The following ANKS1B variants were observed in gnomAD, a reference collection of about 807,000 sequenced individuals.
ANKS1B encodes ankyrin repeat and sterile alpha motif domain containing 1B, also known as ankyrin repeat and sterile alpha motif domain-containing protein 1B.
Under a neutral mutation model 148.3 loss-of-function variants are expected in ANKS1B, and 36 were observed. That is an observed-to-expected ratio of 0.24 (90% confidence interval 0.19 to 0.32). The LOEUF (loss-of-function observed/expected upper bound fraction) is 0.32, where lower values mean the gene tolerates loss of function less well. ANKS1B is among the 10% of genes least tolerant of loss of function. The pLI, the probability that ANKS1B is intolerant of heterozygous loss-of-function variation, is 1.00. For missense variants in ANKS1B, 1,157 were observed against 1,542.6 expected, an observed-to-expected ratio of 0.75 and a Z score of 4.19; for synonymous variants, 542 against 560.8, an observed-to-expected ratio of 0.97 and a Z score of 0.47.
intron 17 of ANKS1B, among the ~76,000 whole-genome samples, chr12:98,877,998 C>T (rs932420189): frequency 2.0e-5 from 3 of 152,010 alleles, no homozygotes; most frequent in African/African-American, 7.2e-5. Context: ...TGAAATCTGT[C>T]GCCCACTCTT....
chr12:99,587,969 G>T (rs965644837), intron 9 of ANKS1B, among the ~76,000 whole-genome samples: 1 of 152,082 alleles, frequency 6.6e-6, no homozygotes. Context: ...AACAGGGGTG[G>T]TTAGAATTGT....
chr12:99,164,553 T>C (rs923863500), intron 14 of ANKS1B, among the ~76,000 whole-genome samples: 1 of 152,112 alleles, frequency 6.6e-6, no homozygotes, highest in East Asian at 1.9e-4. Flanking sequence ...CCTGCTCTAA[T>C]GATCAGATAT....
chr12:99,514,036 T>C (rs2096792044), intron 9 of ANKS1B, among the ~76,000 whole-genome samples: 2 of 152,048 alleles, frequency 1.3e-5, no homozygotes, highest in South Asian at 4.1e-4. Context: ...ATTAAATACA[T>C]TAATGATCTA....
intron 10 of ANKS1B, among the ~76,000 whole-genome samples, chr12:99,503,510 A>T (rs543664965): frequency 6.6e-6 from 1 of 152,232 alleles, no homozygotes; most frequent in East Asian, 1.9e-4. Context: ...CTCTACCAGA[A>T]AATTCCTCTA....
rs368032022 is a variant in ANKS1B at position 98,916,048 on chromosome 12, G to A, written c.2779-83912C>T. On this transcript the variant is annotated intron_variant, in intron 17 of 26. Transcript: ENST00000683438. ...CGCTCCCACCACCATCACATAACCT[G>A]GATATGTTGTGGCCAGACAATTATT... is the stretch of plus-strand genomic sequence containing the variant. 1.3e-4 allele frequency among the ~76,000 whole-genome samples: 20 copies of A among 152,202 alleles called. No individual in the cohort carries two copies. In the East Asian group the frequency reaches 2.3e-3, roughly 18 times the overall value.
intron 8 of ANKS1B, among the ~76,000 whole-genome samples, chr12:99,689,251 T>G (rs1270532750): frequency 6.6e-6 from 1 of 152,244 alleles, no homozygotes; most frequent in African/African-American, 2.4e-5. Context: ...ATAATTAGAC[T>G]GGATTGTTAA....
At chr12:99,628,088 G>C in intron 9 of ANKS1B, among the ~76,000 whole-genome samples, 1 of 152,058 alleles carries the variant, frequency 6.6e-6, no homozygotes, top group Admixed American at 6.6e-5. Flanking sequence ...TACACACCTA[G>C]GTTATGGTAT....
chr12:99,448,747 GGAGA>G (rs1451486532), intron 10 of ANKS1B, among the ~76,000 whole-genome samples: 1 of 151,872 alleles, frequency 6.6e-6, no homozygotes, highest in African/African-American at 2.4e-5. Context: ...CTGGATATAG[GGAGA>G]GAAAGAGAGA....
chr12:99,298,138 C>G (rs2081146854), intron 12 of ANKS1B, among the ~76,000 whole-genome samples: 1 of 152,156 alleles, frequency 6.6e-6, no homozygotes, highest in African/African-American at 2.4e-5. Flanking sequence ...AGGAATAAAG[C>G]TAACGGGATG....
rs77470415 is a variant in ANKS1B at position 98,875,529 on chromosome 12, C to T, written c.2779-43393G>A. ...CTGTTTGCCTGTCTACCCCTCCTTGCTTCCTCCTTCAGGATGCCATGCAGA... is the reference window on the plus strand; with the variant it reads ...CTGTTTGCCTGTCTACCCCTCCTTGTTTCCTCCTTCAGGATGCCATGCAGA... On this transcript the variant is annotated intron_variant, in intron 17 of 26. Coordinates refer to ENST00000683438, the MANE Select transcript of ANKS1B (RefSeq NM_001352186.2). Among the ~76,000 whole-genome samples the T allele has an allele frequency of 6.0e-3, 912 of 152,314 alleles. 7 individuals carry two copies. The highest frequency in any genetic ancestry group is 0.021 in the African/African-American group (875 of 41,564).
intron 15 of ANKS1B, among the ~76,000 whole-genome samples, chr12:99,093,124 C>G (rs1389855937): frequency 6.6e-6 from 1 of 152,194 alleles, no homozygotes; most frequent in African/African-American, 2.4e-5. Context: ...ACTCCCATGA[C>G]CCTATTTTCA....
chr12:99,540,708 T>C (rs1567308121), intron 9 of ANKS1B, among the ~76,000 whole-genome samples: 1 of 151,818 alleles, frequency 6.6e-6, no homozygotes, highest in African/African-American at 2.4e-5. Context: ...TAAAAAGACA[T>C]AAGTCAATTA....
chr12:99,200,102 T>C (rs2081896317), intron 14 of ANKS1B, among the ~76,000 whole-genome samples: 1 of 152,186 alleles, frequency 6.6e-6, no homozygotes, highest in Non-Finnish European at 1.5e-5. Context: ...AGAAGATGAA[T>C]TAAGTGAAAC....
chr12:99,454,030 C>T (rs2095803870), intron 10 of ANKS1B, among the ~76,000 whole-genome samples: 1 of 152,062 alleles, frequency 6.6e-6, no homozygotes, highest in South Asian at 2.1e-4. Context: ...AGAAGCATTC[C>T]AGGCAAAGAA....
chr12:99,587,263 G>A (rs1264099151), intron 9 of ANKS1B, among the ~76,000 whole-genome samples: 1 of 152,202 alleles, frequency 6.6e-6, no homozygotes, highest in Non-Finnish European at 1.5e-5. Context: ...TGGTGGAAGA[G>A]TGGAAGTCAG....
intron 17 of ANKS1B, among the ~76,000 whole-genome samples, chr12:98,991,024 G>A (rs1351272870): frequency 6.6e-6 from 1 of 152,216 alleles, no homozygotes; most frequent in African/African-American, 2.4e-5. Flanking sequence ...CTGAAAGTAA[G>A]TCAGTGAGAC....
At position 98,832,053 on chromosome 12, in the gene ANKS1B, C is replaced by T. The variant is rs1306843896; in HGVS notation, c.2862G>A (p.Lys954=). ...GDRLHDDPPQ[K]PPRSITLREP... is the part of the protein sequence containing the mutation. ...CCCTGAGGGTGATGGACCGAGGGGG[C>T]TTCTGTGGGGGATCGTCGTGCAGCC... is the stretch of plus-strand genomic sequence containing the variant. The change falls in exon 18 of 27, where the codon AAG becomes AAA. Residue 954 remains lysine, a synonymous_variant. Coordinates refer to ENST00000683438, the MANE Select transcript of ANKS1B (RefSeq NM_001352186.2). 6.3e-7 allele frequency: 1 copy of T among 1,596,788 alleles called. No individual in the cohort carries two copies. Among genetic ancestry groups the T allele is most frequent in the African/African-American group, 1.3e-5 (1 of 74,802 alleles).
chr12:99,051,290 T>C (rs973075715), intron 17 of ANKS1B, among the ~76,000 whole-genome samples: 1 of 152,198 alleles, frequency 6.6e-6, no homozygotes, highest in Non-Finnish European at 1.5e-5. Context: ...AAACATATAA[T>C]AGAGTCCTAT....
chr12:99,663,960 T>C (rs1188348247), intron 8 of ANKS1B, among the ~76,000 whole-genome samples: 1 of 152,194 alleles, frequency 6.6e-6, no homozygotes, highest in Non-Finnish European at 1.5e-5. Flanking sequence ...CTATTCTACT[T>C]ATATACAATC....
Sources: gnomAD v4.1 joint callset for allele counts (sites outside exome capture counted in the v4.1 genomes callset) on GRCh38, gnomAD v4.1.1 for gene constraint, MANE v1.5 for transcripts, NCBI Gene and HGNC (gene_info 2026-07-23, HGNC 2026-07-21) for gene names.